PCDHGA1: variants seen among roughly 807,000 people sequenced by gnomAD.
The protein encoded by PCDHGA1 is protocadherin gamma subfamily A, 1.
In PCDHGA1, 32 loss-of-function variants were observed where a neutral mutation model predicts 58.0. That is an observed-to-expected ratio of 0.55 (90% confidence interval 0.42 to 0.74). PCDHGA1 has a LOEUF of 0.74. PCDHGA1 is among the 30% of genes least tolerant of loss of function. The probability of loss-of-function intolerance (pLI) is 0.00; values close to 1 mark genes in which losing one functional copy is unlikely to be tolerated. For missense variants in PCDHGA1, 1,205 were observed against 1,182.3 expected (o/e 1.02, Z -0.28); for synonymous variants, 498 against 501.1 (o/e 0.99, Z 0.08).
intron 1 of PCDHGA1, chr5:141,340,726 C>T (rs2149724080): frequency 1.2e-6 from 2 of 1,614,110 alleles, no homozygotes; most frequent in East Asian, 4.5e-5. Context: ...CAGAGCCCGG[C>T]TACCTGGTGA....
intron 1 of PCDHGA1, chr5:141,415,943 T>A: frequency 1.8e-6 from 1 of 552,806 alleles, no homozygotes; most frequent in Non-Finnish European, 2.7e-6. Flanking sequence ...TCCTCCTGGG[T>A]GGTCACATAT....
intron 1 of PCDHGA1, chr5:141,364,361 G>A (rs1763280046): frequency 1.3e-6 from 2 of 1,559,560 alleles, no homozygotes; most frequent in Middle Eastern, 1.7e-4. Context: ...CTGGGGCTGC[G>A]GAGAGCTGCT....
At chr5:141,495,800 C>T (rs1351461035) in intron 2 of PCDHGA1, among the ~76,000 whole-genome samples, 5 of 152,134 alleles carry the variant, frequency 3.3e-5, no homozygotes, top group Non-Finnish European at 7.3e-5. Context: ...CTCCTTTCAC[C>T]GTTTCCTAGC....
chr5:141,409,195 T>G lies in PCDHGA1; in HGVS notation c.2421+76090T>G, dbSNP rs750681435. 3.7e-6 allele frequency: 6 copies of G among 1,613,890 alleles called. No homozygotes were observed. The African/African-American group carries it at 8.0e-5, about 22-fold the overall frequency. On this transcript the variant is annotated intron_variant, in intron 1 of 3. Transcript: ENST00000517417. Reference sequence around the variant, plus strand: ...ACGGAGGTGGTCTCTCTACCCAGTGTAAAGTAATCATAGAAATCCTTGATG... The same window carrying G: ...ACGGAGGTGGTCTCTCTACCCAGTGGAAAGTAATCATAGAAATCCTTGATG...
intron 1 of PCDHGA1, among the ~76,000 whole-genome samples, chr5:141,381,932 C>A (rs1205042648): frequency 2.1e-5 from 3 of 144,772 alleles, no homozygotes; most frequent in Non-Finnish European, 4.5e-5. Flanking sequence ...CGGGTTCAAG[C>A]GATTTTCCTG....
intron 1 of PCDHGA1, among the ~76,000 whole-genome samples, chr5:141,494,157 G>A (rs929922206): frequency 5.9e-5 from 9 of 152,312 alleles, no homozygotes; most frequent in African/African-American, 1.7e-4. Context: ...TGTCTGGCAC[G>A]GAGTTCTAGG....
Position 141,366,606 on chromosome 5 carries a change from T to A in PCDHGA1, c.2421+33501T>A, listed in dbSNP as rs545823772. The A allele has an allele frequency of 3.5e-5, 56 of 1,614,226 alleles. No homozygotes were observed. The Admixed American group carries it at 6.5e-4, about 19-fold the overall frequency. The stretch of plus-strand genomic sequence containing the variant: ...CAGACCTATTCCCACGAGGTCTCCC[T>A]CACCGCGGACTCGAGGAAGAGTCAC... On this transcript the variant is annotated intron_variant, in intron 1 of 3. Transcript: ENST00000517417.
At chr5:141,404,265 T>G in intron 1 of PCDHGA1, 1 of 1,613,998 alleles carries the variant, frequency 6.2e-7, no homozygotes, top group Non-Finnish European at 8.5e-7. Context: ...GAAATTCACA[T>G]CACCCTGCAA....
rs376057952 is a variant in PCDHGA1 at position 141,417,907 on chromosome 5, A to G, written c.2422-76900A>G. On this transcript the variant is annotated intron_variant, in intron 1 of 3. Transcript: ENST00000517417. Reference sequence around the variant, plus strand: ...GGCGCCGGGCCGGCCCGCGGCAGGTACTATTTCCTTTGCTGCTGCCTTTGT... The same window carrying G: ...GGCGCCGGGCCGGCCCGCGGCAGGTGCTATTTCCTTTGCTGCTGCCTTTGT... The G allele has an allele frequency of 3.6e-4, 571 of 1,596,132 alleles. 2 individuals are homozygous for G. In the African/African-American group the frequency reaches 5.1e-3, roughly 14 times the overall value.
intron 3 of PCDHGA1, among the ~76,000 whole-genome samples, chr5:141,506,381 G>A (rs750584158): frequency 2.0e-5 from 3 of 151,216 alleles, no homozygotes; most frequent in Non-Finnish European, 4.4e-5. Context: ...CCTGGGAGGT[G>A]GCTGTGGTGA....
rs771459458 is a variant in PCDHGA1 at position 141,394,997 on chromosome 5, C to A, written c.2421+61892C>A. On this transcript the variant is annotated intron_variant, in intron 1 of 3. Coordinates refer to ENST00000517417, the MANE Select transcript of PCDHGA1 (RefSeq NM_018912.3). The stretch of plus-strand genomic sequence containing the variant: ...ACAAGTCACGCCTGCTCCAGGATTC[C>A]GGTGGCAGATTGGTAGGCGTGCCTG... 4 of 1,614,016 alleles carry A rather than the reference C, an allele frequency of 2.5e-6. No individual in the cohort carries two copies. In the South Asian group the frequency reaches 3.3e-5, roughly 13 times the overall value.
intron 1 of PCDHGA1, chr5:141,433,007 C>T (rs550227016): frequency 1.2e-6 from 2 of 1,614,198 alleles, no homozygotes; most frequent in Admixed American, 3.3e-5. Context: ...GCAGGCTTTC[C>T]TGCAGACCTA....
intron 1 of PCDHGA1, chr5:141,339,892 A>G: frequency 6.2e-7 from 1 of 1,614,162 alleles, no homozygotes; most frequent in Non-Finnish European, 8.5e-7. Context: ...TAAAAGATCT[A>G]GATTATGAGG....
intron 1 of PCDHGA1, among the ~76,000 whole-genome samples, chr5:141,354,019 T>C (rs1188791033): frequency 6.6e-6 from 1 of 152,226 alleles, no homozygotes; most frequent in Non-Finnish European, 1.5e-5. Flanking sequence ...CTGTAAGTAT[T>C]CATAAGAAAG....
At chr5:141,461,501 T>G (rs113852528) in intron 1 of PCDHGA1, among the ~76,000 whole-genome samples, 1 of 152,310 alleles carries the variant, frequency 6.6e-6, no homozygotes, top group South Asian at 2.1e-4. Flanking sequence ...TTATTTTTCT[T>G]GGTGATTTGT....
In PCDHGA1 at chr5:141,456,564, A is replaced by G. The variant is rs1174191537; in HGVS notation, c.2422-38243A>G. ...TTGTAGCCACTCGGGGCTGAAGCCC[A>G]CATTTTCCCTGAGCCTGTCAATAAT... On this transcript the variant is annotated intron_variant, in intron 1 of 3. Coordinates refer to ENST00000517417, the MANE Select transcript of PCDHGA1 (RefSeq NM_018912.3). Among the ~76,000 whole-genome samples the G allele has an allele frequency of 2.6e-5, 4 of 152,338 alleles. No individual in the cohort carries two copies. The South Asian group carries it at 6.2e-4, about 24-fold the overall frequency.
chr5:141,498,002 C>T (rs1442305270), intron 2 of PCDHGA1, among the ~76,000 whole-genome samples: 2 of 152,178 alleles, frequency 1.3e-5, no homozygotes, highest in East Asian at 1.9e-4. Flanking sequence ...AAGGAGTTTA[C>T]AGTGCACTGA....
At chr5:141,374,287 C>G in intron 1 of PCDHGA1, 1 of 1,613,992 alleles carries the variant, frequency 6.2e-7, no homozygotes, top group Non-Finnish European at 8.5e-7. Flanking sequence ...GCATCGTCTC[C>G]AGAGGTAGGA....
intron 1 of PCDHGA1, among the ~76,000 whole-genome samples, chr5:141,451,727 C>A (rs2098722766): frequency 6.6e-6 from 1 of 152,014 alleles, no homozygotes; most frequent in Admixed American, 6.6e-5. Flanking sequence ...ACTAAAAATA[C>A]AAAAATTAGC....
Sources: gnomAD v4.1 joint callset for allele counts (sites outside exome capture counted in the v4.1 genomes callset) on GRCh38, gnomAD v4.1.1 for gene constraint, MANE v1.5 for transcripts, NCBI Gene and HGNC (gene_info 2026-07-23, HGNC 2026-07-21) for gene names.